Variants in PTPRB observed in about 807,000 individuals in gnomAD.
PTPRB encodes the protein receptor-type tyrosine-protein phosphatase beta.
PTPRB carries 97 observed loss-of-function variants against 238.1 expected under a neutral mutation model. The ratio of observed to expected loss-of-function variants is 0.41; its 90% CI spans 0.35 to 0.48. The LOEUF (loss-of-function observed/expected upper bound fraction) is 0.48, where lower values mean the gene tolerates loss of function less well. PTPRB is among the 20% of genes least tolerant of loss of function. The pLI is 0.30. For synonymous variants in PTPRB, 970 were observed against 995.4 expected (o/e 0.97, Z 0.48); for missense variants, 2,292 against 2,681.9 (o/e 0.85, Z 3.21).
At chr12:70,532,824 T>C (rs1433360339) in intron 31 of PTPRB, among the ~76,000 whole-genome samples, 2 of 151,960 alleles carry the variant, frequency 1.3e-5, no homozygotes, top group Non-Finnish European at 2.9e-5. Flanking sequence ...AAAAAAGACT[T>C]GTAGAGATAA....
intron 18 of PTPRB, chr12:70,559,098 A>G (rs80156342): frequency 0.016 from 9,311 of 593,158 alleles, 352 homozygotes; most frequent in African/African-American, 0.11. Flanking sequence ...CCCAAAATAT[A>G]ATGTCTATTT....
At chr12:70,542,315 C>T (rs566858221) in intron 22 of PTPRB, 1 of 152,354 alleles carries the variant, frequency 6.6e-6, no homozygotes, top group South Asian at 2.1e-4. Flanking sequence ...CACGGTGGCT[C>T]ATACCTGTAA....
chr12:70,555,793 G>T (rs1327184665), intron 19 of PTPRB, 77 bp downstream of exon 19: 2 of 1,514,320 alleles, frequency 1.3e-6, no homozygotes, highest in Admixed American at 2.0e-5. Context: ...TAGCAGTGAT[G>T]GATATGATAG....
intron 15 of PTPRB, among the ~76,000 whole-genome samples, chr12:70,565,446 C>T (rs1210907200): frequency 6.6e-6 from 1 of 152,194 alleles, no homozygotes; most frequent in Admixed American, 6.5e-5. Context: ...ACCTTCTCTC[C>T]ATAAGGAGAA....
At chr12:70,637,297 G>C (rs1457606655) in intron 1 of PTPRB, 44 bp downstream of exon 1, 2 of 1,554,280 alleles carry the variant, frequency 1.3e-6, no homozygotes, top group African/African-American at 1.4e-5. Flanking sequence ...TCCTTGGCTA[G>C]ATCTTGAAGA....
chr12:70,595,240 C>G (rs1031146035), intron 5 of PTPRB, among the ~76,000 whole-genome samples: 6 of 151,830 alleles, frequency 4.0e-5, no homozygotes, highest in Non-Finnish European at 7.4e-5. Flanking sequence ...TAAGTGGGAG[C>G]TGAACAATGA....
intron 16 of PTPRB, 73 bp from the exon 17 acceptor site, chr12:70,561,007 A>G: frequency 1.4e-6 from 2 of 1,456,836 alleles, no homozygotes; most frequent in Middle Eastern, 1.8e-4. Flanking sequence ...GTGAGAGTAT[A>G]TGCTATGTTG....
chr12:70,616,101 TA>T (rs1184299876), intron 3 of PTPRB, among the ~76,000 whole-genome samples: 2 of 152,138 alleles, frequency 1.3e-5, no homozygotes, highest in Non-Finnish European at 2.9e-5. Flanking sequence ...ATCTTCTTTT[TA>T]AATTTTTTAA....
chr12:70,631,593 C>T (rs924610857), intron 2 of PTPRB, among the ~76,000 whole-genome samples: 1 of 152,088 alleles, frequency 6.6e-6, no homozygotes, highest in African/African-American at 2.4e-5. Flanking sequence ...TCTAATTAAA[C>T]TAAAGAGCTT....
chr12:70,553,199 C>A (rs1187157092), intron 20 of PTPRB, among the ~76,000 whole-genome samples, 179 bp from the exon 21 acceptor site: 1 of 152,124 alleles, frequency 6.6e-6, no homozygotes, highest in Admixed American at 6.5e-5. Flanking sequence ...AATTTTAATT[C>A]ACTTTTTCCA....
At chr12:70,544,535 A>G in intron 22 of PTPRB, 22 bp downstream of exon 22, 1 of 1,515,198 alleles carries the variant, frequency 6.6e-7, no homozygotes, top group East Asian at 2.3e-5. Flanking sequence ...TTGGTAGAAC[A>G]TGATGTAAAG....
rs571292399 is a variant in PTPRB, at chr12:70,582,079, C to A, written c.2312-777G>T. On this transcript the variant is annotated intron_variant, in intron 9 of 33. Transcript: ENST00000334414. ...TAACCCCTAAGCCTGTGTCCTTTTCCTAATTAACAACATTTATTTCTTCCA... is the reference window on the plus strand; with the variant it reads ...TAACCCCTAAGCCTGTGTCCTTTTCATAATTAACAACATTTATTTCTTCCA... 3.9e-4 allele frequency among the ~76,000 whole-genome samples: 60 copies of A among 152,172 alleles called. 1 individual carries two copies. Among genetic ancestry groups the A allele is most frequent in the Middle Eastern group, 3.4e-3 (1 of 292 alleles).
intron 21 of PTPRB, among the ~76,000 whole-genome samples, chr12:70,548,809 G>A (rs952086659): frequency 2.6e-5 from 4 of 151,830 alleles, no homozygotes; most frequent in Non-Finnish European, 5.9e-5. Flanking sequence ...AAACTGGACT[G>A]TTTGTTCTTC....
At chr12:70,562,027 T>C (rs1390320232) in intron 16 of PTPRB, among the ~76,000 whole-genome samples, 1 of 152,204 alleles carries the variant, frequency 6.6e-6, no homozygotes, top group Admixed American at 6.5e-5. Context: ...TCCAGCACTT[T>C]GGGAGGTCGA....
chr12:70,546,582 A>C (rs1876003954), intron 21 of PTPRB, among the ~76,000 whole-genome samples: 1 of 152,216 alleles, frequency 6.6e-6, no homozygotes, highest in Non-Finnish European at 1.5e-5. Flanking sequence ...CTTCAGATTT[A>C]AGGAAGACTG....
intron 3 of PTPRB, among the ~76,000 whole-genome samples, chr12:70,618,944 T>G (rs17108403): frequency 0.02 from 3,061 of 151,926 alleles, 101 homozygotes; most frequent in African/African-American, 0.068. Flanking sequence ...ACTTCCAAAG[T>G]CAGACCCCTC....
At chr12:70,535,957 T>A in intron 29 of PTPRB, 68 bp downstream of exon 29, 2 of 1,590,618 alleles carry the variant, frequency 1.3e-6, no homozygotes, top group Non-Finnish European at 1.7e-6. Flanking sequence ...TTCACTTTGA[T>A]GATGGGGCAG....
At chr12:70,599,534 AT>A (rs890121773) in intron 4 of PTPRB, among the ~76,000 whole-genome samples, 6 of 152,308 alleles carry the variant, frequency 3.9e-5, no homozygotes, top group Admixed American at 2.6e-4. Flanking sequence ...ATATATCAAT[AT>A]TTATCATTAG....
rs1871536998 is a variant in PTPRB at position 70,520,405 on chromosome 12, A to T, written c.*1084T>A. ...AGAAGTTTTGAAAATTTTACTGAAG[A>T]CCACTGTTTTTGTTTTTGCTATTGT... On this transcript the variant is annotated 3_prime_UTR_variant, in exon 34 of 34. Transcript: ENST00000334414. The T allele has an allele frequency of 4.3e-6, 1 of 230,286 alleles. No homozygotes were observed. Among genetic ancestry groups the T allele is most frequent in the Admixed American group, 5.7e-5 (1 of 17,624 alleles). 14.3% of individuals were successfully genotyped at this position (230,286 alleles called of 1,614,324 possible).
Sources: gnomAD v4.1 joint callset for allele counts (sites outside exome capture counted in the v4.1 genomes callset) on GRCh38, gnomAD v4.1.1 for gene constraint, MANE v1.5 for transcripts, NCBI Gene and HGNC (gene_info 2026-07-23, HGNC 2026-07-21) for gene names.